The following PFKFB3 variants were observed in gnomAD, a reference collection of about 807,000 sequenced individuals.
PFKFB3 encodes 6-phosphofructo-2-kinase/fructose-2,6-biphosphatase 3.
PFKFB3 carries 33 observed loss-of-function variants against 68.0 expected under a neutral mutation model. The observed-to-expected ratio is 0.49, with a 90% CI of 0.37 to 0.65. The LOEUF is 0.65. Among genes scored for constraint, PFKFB3 ranks in the 30% least tolerant of loss-of-function variants. PFKFB3 has a pLI of 0.00. For missense variants in PFKFB3, 586 were observed against 712.2 expected, an observed-to-expected ratio of 0.82 and a Z score of 2.02; for synonymous variants, 315 against 288.2, an observed-to-expected ratio of 1.09 and a Z score of -0.94.
the PFKFB3 span, among the ~76,000 whole-genome samples, chr10:6,306,404 G>T: frequency 2.6e-5 from 4 of 152,322 alleles, no homozygotes; most frequent in South Asian, 8.3e-4. Flanking sequence ...TATTTTGGGG[G>T]CATTTAGTCC....
chr10:6,226,056 C>G (rs529607790), intron 13 of PFKFB3, 136 bp from the exon 14 acceptor site: 12 of 724,220 alleles, frequency 1.7e-5, no homozygotes, highest in Non-Finnish European at 2.5e-5. Flanking sequence ...GTCCCTGGCC[C>G]GTGGTCCCGG....
chr10:6,161,798 A>G (rs532269728), intron 1 of PFKFB3, among the ~76,000 whole-genome samples: 9 of 152,196 alleles, frequency 5.9e-5, no homozygotes, highest in African/African-American at 2.2e-4. Flanking sequence ...ATGCCTGGCT[A>G]ATTTTTTAAT....
At chr10:6,150,433 G>A (rs1451755715) in intron 1 of PFKFB3, among the ~76,000 whole-genome samples, 1 of 152,118 alleles carries the variant, frequency 6.6e-6, no homozygotes, top group Non-Finnish European at 1.5e-5. Flanking sequence ...AGACCAGCCT[G>A]ACCAACATGG....
In PFKFB3 at chr10:6,224,193, A is replaced by C; in HGVS notation, c.1321A>C (p.Thr441Pro). The C allele has an allele frequency of 6.2e-7, 1 of 1,614,112 alleles. No homozygotes were observed. Among genetic ancestry groups the C allele is most frequent in the East Asian group, 2.2e-5 (1 of 44,870 alleles). ...CTACCTGAACGTGGAGTCCGTCTGCACACACCGGGAGAGGTCAGAGGTGAG... is the reference window on the plus strand; with the variant it reads ...CTACCTGAACGTGGAGTCCGTCTGCCCACACCGGGAGAGGTCAGAGGTGAG... ...SIYLNVESVC[T>P]HRERSEDAKK... Residue 441 changes from threonine (T) to proline (P), a missense_variant, in exon 13 of 15, where the codon ACA (threonine) becomes CCA (proline). Thr to Pro is a conservative substitution (Grantham distance 38, BLOSUM62 -1). Coordinates refer to ENST00000379775, the MANE Select transcript of PFKFB3 (RefSeq NM_004566.4).
At chr10:6,179,633 G>A (rs1842648765) in intron 1 of PFKFB3, among the ~76,000 whole-genome samples, 1 of 152,154 alleles carries the variant, frequency 6.6e-6, no homozygotes, top group African/African-American at 2.4e-5. Flanking sequence ...CAGGCAAGAG[G>A]GGAGAAAAGG....
chr10:6,319,021 C>A, the PFKFB3 span, among the ~76,000 whole-genome samples: 9 of 152,152 alleles, frequency 5.9e-5, no homozygotes, highest in Non-Finnish European at 1.3e-4. Flanking sequence ...ACTTTGTGGA[C>A]CCTTGATCAA....
the PFKFB3 span, among the ~76,000 whole-genome samples, chr10:6,263,799 C>T: frequency 6.6e-6 from 1 of 152,220 alleles, no homozygotes; most frequent in Admixed American, 6.5e-5. Flanking sequence ...GATTCTCGTG[C>T]CTTGGCCTCC....
chr10:6,184,806 C>T (rs61356689), intron 1 of PFKFB3, among the ~76,000 whole-genome samples: 12 of 130,056 alleles, frequency 9.2e-5, no homozygotes, highest in African/African-American at 3.5e-4. Flanking sequence ...GCGTGTTTAG[C>T]TGTGTTGCCC....
At chr10:6,180,388 A>G (rs1842676625) in intron 1 of PFKFB3, among the ~76,000 whole-genome samples, 1 of 152,234 alleles carries the variant, frequency 6.6e-6, no homozygotes, top group African/African-American at 2.4e-5. Flanking sequence ...GAAATCATTC[A>G]TAATTACATA....
the PFKFB3 span, among the ~76,000 whole-genome samples, chr10:6,289,030 C>A: frequency 6.6e-6 from 1 of 151,092 alleles, no homozygotes; most frequent in African/African-American, 2.5e-5. Context: ...TCATGTCCTT[C>A]ACCCACTTTT....
At chr10:6,311,391 T>C in the PFKFB3 span, among the ~76,000 whole-genome samples, 1 of 152,110 alleles carries the variant, frequency 6.6e-6, no homozygotes, top group Non-Finnish European at 1.5e-5. Flanking sequence ...TAATTCCTCC[T>C]TTTCTGGCAG....
intron 1 of PFKFB3, among the ~76,000 whole-genome samples, chr10:6,171,997 C>T (rs3814195): frequency 0.21 from 32,629 of 152,128 alleles, 4,254 homozygotes; most frequent in African/African-American, 0.36. Flanking sequence ...TGAGTTGGTG[C>T]TTTTCCTCTT....
At chr10:6,167,532 G>A (rs1842180065) in intron 1 of PFKFB3, among the ~76,000 whole-genome samples, 1 of 152,206 alleles carries the variant, frequency 6.6e-6, no homozygotes, top group African/African-American at 2.4e-5. Context: ...AACATCTCTT[G>A]AGAGAAGGTA....
At chr10:6,171,128 A>G (rs1041172945) in intron 1 of PFKFB3, among the ~76,000 whole-genome samples, 2 of 151,892 alleles carry the variant, frequency 1.3e-5, no homozygotes, top group African/African-American at 2.4e-5. Context: ...GCTCACCGCA[A>G]CCTCCGTCTC....
downstream of PFKFB3, among the ~76,000 whole-genome samples, chr10:6,237,612 A>G (rs1056420310): frequency 1.3e-5 from 2 of 152,232 alleles, no homozygotes; most frequent in Admixed American, 1.3e-4. Flanking sequence ...TCTGTCTCCC[A>G]GGCTGGAGTG....
chr10:6,238,548 ATCTT>A (rs1201481035), downstream of PFKFB3, among the ~76,000 whole-genome samples: 4 of 148,354 alleles, frequency 2.7e-5, no homozygotes, highest in Admixed American at 1.4e-4. Flanking sequence ...GGAGAACTAA[ATCTT>A]TTTTTTTTTT....
chr10:6,230,565 G>C (rs1225231671), intron 14 of PFKFB3, among the ~76,000 whole-genome samples: 2 of 152,092 alleles, frequency 1.3e-5, no homozygotes, highest in African/African-American at 4.8e-5. Context: ...GAGGAACTTG[G>C]TGCCCTGGGC....
At chr10:6,177,356 C>CTTTCTT (rs1842507439) in intron 1 of PFKFB3, among the ~76,000 whole-genome samples, 1 of 70,904 alleles carries the variant, frequency 1.4e-5, no homozygotes, top group African/African-American at 4.4e-5. Context: ...TTTCTTTTCT[C>CTTTCTT]TTTCTTTCTT....
rs538313269 is a variant in PFKFB3, at chr10:6,159,358, G to A, written c.16+14345G>A. Among the ~76,000 whole-genome samples, 141 of 151,606 alleles carry A rather than the reference G, an allele frequency of 9.3e-4. 1 individual carries two copies. In the Middle Eastern group the frequency reaches 0.017, roughly 18 times the overall value. ...TGCAGTGAGAGGAGATCGCGCCACT[G>A]CACTCCAACCTGGGTAACAGAGCGA... On this transcript the variant is annotated intron_variant, in intron 1 of 14. Transcript: ENST00000379789.
Sources: gnomAD v4.1 joint callset for allele counts (sites outside exome capture counted in the v4.1 genomes callset) on GRCh38, gnomAD v4.1.1 for gene constraint, MANE v1.5 for transcripts, NCBI Gene and HGNC (gene_info 2026-07-23, HGNC 2026-07-21) for gene names.